The following NOTCH2NLB variants were observed in gnomAD, a reference collection of about 807,000 sequenced individuals.
The protein encoded by NOTCH2NLB is notch 2 N-terminal like B.
A neutral mutation model predicts 14.8 loss-of-function variants in NOTCH2NLB; 1 was observed. That is an observed-to-expected ratio of 0.07 (90% CI 0.02 to 0.32). NOTCH2NLB has a LOEUF of 0.32. Ranked by LOEUF, NOTCH2NLB falls within the 10% of genes least tolerant of loss-of-function variation. NOTCH2NLB has a pLI of 1.00. For synonymous variants in NOTCH2NLB, 6 were observed against 57.5 expected, an observed-to-expected ratio of 0.10 and a Z score of 4.05; for missense variants, 11 against 155.0, an observed-to-expected ratio of 0.07 and a Z score of 4.93.
chr1:148,636,842 T>A (rs1242570500), intron 2 of NOTCH2NLB, among the ~76,000 whole-genome samples: 1 of 141,240 alleles, frequency 7.1e-6, no homozygotes, highest in East Asian at 2.0e-4. Flanking sequence ...TATGCTAATA[T>A]TACTTTTGCT....
chr1:148,615,137 C>T (rs1328710045), intron 3 of NOTCH2NLB, among the ~76,000 whole-genome samples: 2 of 143,102 alleles, frequency 1.4e-5, no homozygotes, highest in African/African-American at 4.9e-5. Flanking sequence ...TCCTGGTGTA[C>T]ATATTTTTTT....
intron 3 of NOTCH2NLB, among the ~76,000 whole-genome samples, chr1:148,610,893 A>G (rs1374501097): frequency 4.1e-5 from 2 of 48,438 alleles, no homozygotes; most frequent in African/African-American, 2.2e-4. Flanking sequence ...ACTCCATCTC[A>G]AAAAAAAAAA....
chr1:148,684,733 G>A (rs1664958017), upstream of NOTCH2NLB, among the ~76,000 whole-genome samples: 1 of 106,954 alleles, frequency 9.3e-6, no homozygotes, highest in Non-Finnish European at 2.1e-5. Flanking sequence ...TTCAAGACCA[G>A]GCTGGGCCAC....
At chr1:148,633,403 A>C (rs1664151981) in intron 2 of NOTCH2NLB, among the ~76,000 whole-genome samples, 1 of 87,992 alleles carries the variant, frequency 1.1e-5, no homozygotes, top group Non-Finnish European at 2.1e-5. Context: ...AATACAAAAA[A>C]TTAGCCGGGC....
chr1:148,627,716 A>G (rs1450661182), intron 2 of NOTCH2NLB, among the ~76,000 whole-genome samples: 4 of 151,580 alleles, frequency 2.6e-5, no homozygotes, highest in African/African-American at 9.7e-5. Flanking sequence ...AACAGCCTTG[A>G]CACCCCCTCT....
chr1:148,637,984 G>A (rs1404442729), intron 2 of NOTCH2NLB, among the ~76,000 whole-genome samples: 1 of 147,370 alleles, frequency 6.8e-6, no homozygotes, highest in Non-Finnish European at 1.5e-5. Context: ...TCTTTATCCA[G>A]TCTATCACCG....
At chr1:148,707,956 TC>T in the NOTCH2NLB span, among the ~76,000 whole-genome samples, 662 of 52,202 alleles carry the variant, frequency 0.013, 34 homozygotes, top group African/African-American at 0.048. Context: ...ATTCTCCTAT[TC>T]CCCCCCCCCC....
chr1:148,694,769 GA>G, the NOTCH2NLB span, among the ~76,000 whole-genome samples: 1 of 110,008 alleles, frequency 9.1e-6, no homozygotes, highest in Non-Finnish European at 2.0e-5. Context: ...GCACCTGGCC[GA>G]AAAACACTTT....
chr1:148,670,529 TAAAAA>T (rs1222724470), intron 1 of NOTCH2NLB, among the ~76,000 whole-genome samples: 26 of 96,076 alleles, frequency 2.7e-4, no homozygotes, highest in African/African-American at 4.9e-4. Context: ...GTTCATAAAC[TAAAAA>T]AAAAAATATA....
At chr1:148,622,109 A>G in intron 2 of NOTCH2NLB, among the ~76,000 whole-genome samples, 1 of 87,894 alleles carries the variant, frequency 1.1e-5, no homozygotes, top group Non-Finnish European at 2.1e-5. Context: ...GGTGGCTCAC[A>G]CCAGTAATCT....
intron 1 of NOTCH2NLB, among the ~76,000 whole-genome samples, chr1:148,675,164 G>C (rs1327793416): frequency 1.4e-5 from 1 of 69,262 alleles, no homozygotes; most frequent in Admixed American, 1.4e-4. Flanking sequence ...CAGTGCCTTT[G>C]AAGTGAGATT....
chr1:148,610,003 C>G, intron 3 of NOTCH2NLB, among the ~76,000 whole-genome samples: 1 of 143,168 alleles, frequency 7.0e-6, no homozygotes, highest in Admixed American at 6.9e-5. Flanking sequence ...AGAAAGATCC[C>G]CGGACCGGAA....
Position 148,638,494 on chromosome 1 carries a change from G to A in NOTCH2NLB, c.77+1522C>T, listed in dbSNP as rs1385499090. On this transcript the variant is annotated intron_variant, in intron 2 of 4. Coordinates refer to ENST00000593495, the Ensembl canonical transcript of NOTCH2NLB. ...CAAGATTTCAGTGGCCTACTCTAAG[G>A]TATTAAGTTCCCTCCCTTATTATCT... Among the ~76,000 whole-genome samples, 331 of 148,936 alleles carry A rather than the reference G, an allele frequency of 2.2e-3. 31 individuals carry two copies. The highest frequency in any genetic ancestry group is 7.8e-3 in the African/African-American group (311 of 39,878).
chr1:148,670,579 A>ATAT (rs1664757314), intron 1 of NOTCH2NLB, among the ~76,000 whole-genome samples: 1 of 104,726 alleles, frequency 9.5e-6, no homozygotes, highest in African/African-American at 3.6e-5. Context: ...TATATATATA[A>ATAT]ATAAATCAAC....
chr1:148,601,093 T>C, the NOTCH2NLB span, among the ~76,000 whole-genome samples: 2 of 150,246 alleles, frequency 1.3e-5, no homozygotes, highest in Admixed American at 1.3e-4. Flanking sequence ...GTATGAAATG[T>C]CCAGAAGAGG....
chr1:148,684,335 TCTC>T (rs1175484645), upstream of NOTCH2NLB, among the ~76,000 whole-genome samples: 3 of 83,126 alleles, frequency 3.6e-5, no homozygotes, highest in East Asian at 8.3e-4. Flanking sequence ...CCCATGCTGT[TCTC>T]CTGATAATGA....
chr1:148,651,142 G>GAA (rs1664492456), intron 1 of NOTCH2NLB, among the ~76,000 whole-genome samples: 3 of 34,036 alleles, frequency 8.8e-5, no homozygotes, highest in Non-Finnish European at 1.5e-4. Flanking sequence ...GACTCTGCCT[G>GAA]AGAAAAAAAA....
the NOTCH2NLB span, among the ~76,000 whole-genome samples, chr1:148,693,097 C>G: frequency 2.1e-4 from 24 of 115,602 alleles, 1 homozygote; most frequent in South Asian, 1.6e-3. Context: ...CGCCCCCCCC[C>G]CCCCACCATC....
the NOTCH2NLB span, among the ~76,000 whole-genome samples, chr1:148,703,037 A>AGGGGGGGGGG: frequency 4.0e-5 from 1 of 24,994 alleles, no homozygotes; most frequent in Non-Finnish European, 8.3e-5. Context: ...CGTGAACCCC[A>AGGGGGGGGGG]GGGGGTGGAG....
Sources: gnomAD v4.1 joint callset for allele counts (sites outside exome capture counted in the v4.1 genomes callset) on GRCh38, gnomAD v4.1.1 for gene constraint, MANE v1.5 for transcripts, NCBI Gene and HGNC (gene_info 2026-07-23, HGNC 2026-07-21) for gene names.